Variants in C16orf74 observed in about 807,000 individuals in gnomAD.
The protein encoded by C16orf74 is calcimembrin, also known as uncharacterized protein C16orf74.
C16orf74 carries 10 observed loss-of-function variants against 6.5 expected under a neutral mutation model. That is an observed-to-expected ratio of 1.54 (90% CI 0.95 to 2.61). The LOEUF is 2.61. Ranked by LOEUF, C16orf74 falls within the 30% of genes most tolerant of loss-of-function variation. The probability of loss-of-function intolerance (pLI) is 0.00; values close to 1 mark genes in which losing one functional copy is unlikely to be tolerated. For missense variants in C16orf74, 141 were observed against 105.9 expected (o/e 1.33, Z -1.45); for synonymous variants, 60 against 42.5 (o/e 1.41, Z -1.60).
chr16:85,732,371 A>G (rs2054198286), intron 2 of C16orf74, among the ~76,000 whole-genome samples: 1 of 152,186 alleles, frequency 6.6e-6, no homozygotes, highest in Admixed American at 6.5e-5. Context: ...TGGAGTTAAA[A>G]TGATTCTCTC....
intron 2 of C16orf74, among the ~76,000 whole-genome samples, chr16:85,732,971 G>C (rs1418294563): frequency 6.6e-6 from 1 of 152,244 alleles, no homozygotes; most frequent in Non-Finnish European, 1.5e-5. Flanking sequence ...GAGGGGCCGA[G>C]GGTGGGTGGA....
intron 1 of C16orf74, among the ~76,000 whole-genome samples, chr16:85,747,228 A>C (rs141796159): frequency 4.9e-4 from 74 of 152,300 alleles, no homozygotes; most frequent in Non-Finnish European, 8.4e-4. Flanking sequence ...AAAAACATTT[A>C]TCAAAAAATA....
intron 2 of C16orf74, among the ~76,000 whole-genome samples, chr16:85,712,357 T>G (rs74834367): frequency 1.3e-5 from 2 of 152,226 alleles, no homozygotes. Context: ...AGTTTTGGCA[T>G]AGTTTGTTAT....
intron 2 of C16orf74, among the ~76,000 whole-genome samples, chr16:85,711,571 C>T (rs1483500084): frequency 6.9e-6 from 1 of 144,422 alleles, no homozygotes; most frequent in Non-Finnish European, 1.5e-5. Context: ...TGCAGTGAGC[C>T]AAGATTGTGC....
intron 2 of C16orf74, among the ~76,000 whole-genome samples, chr16:85,718,613 G>C (rs1049033158): frequency 6.6e-6 from 1 of 152,196 alleles, no homozygotes; most frequent in East Asian, 1.9e-4. Flanking sequence ...CCCAGGTCCG[G>C]GTGGGCAGGC....
At chr16:85,711,675 G>C (rs1397214420) in intron 2 of C16orf74, among the ~76,000 whole-genome samples, 1 of 151,206 alleles carries the variant, frequency 6.6e-6, no homozygotes, top group Non-Finnish European at 1.5e-5. Context: ...CCTTCAGGCA[G>C]CATTAAGCTA....
At chr16:85,736,567 G>T (rs111848525) in intron 1 of C16orf74, among the ~76,000 whole-genome samples, 125 of 152,248 alleles carry the variant, frequency 8.2e-4, no homozygotes, top group African/African-American at 2.8e-3. Flanking sequence ...GGGGCCTTGG[G>T]AAGGGAGGGA....
chr16:85,708,133 G>A, intron 3 of C16orf74, 67 bp from the exon 4 acceptor site: 1 of 1,332,376 alleles, frequency 7.5e-7, no homozygotes, highest in Middle Eastern at 1.8e-4. Context: ...CCGTTTCCCT[G>A]GGAACTGCAG....
intron 2 of C16orf74, among the ~76,000 whole-genome samples, chr16:85,713,419 T>C (rs2053989213): frequency 6.6e-6 from 1 of 152,148 alleles, no homozygotes; most frequent in Admixed American, 6.5e-5. Flanking sequence ...ATTACAGGCA[T>C]GCGCCACCAT....
intron 2 of C16orf74, among the ~76,000 whole-genome samples, chr16:85,733,148 A>G (rs1157554849): frequency 6.6e-6 from 1 of 152,232 alleles, no homozygotes; most frequent in Non-Finnish European, 1.5e-5. Context: ...GGTGGAAACA[A>G]CCCAGTGTCC....
At chr16:85,734,823 G>C (rs778125212) in intron 2 of C16orf74, among the ~76,000 whole-genome samples, 2 of 152,174 alleles carry the variant, frequency 1.3e-5, no homozygotes, top group African/African-American at 4.8e-5. Flanking sequence ...CCTCCTGTCT[G>C]GGTGATAACA....
Position 85,710,325 on chromosome 16 carries a change from G to A in C16orf74, c.29-18C>T. ...TTGAAAGCCTGAGAAGCCAGGCGTG[G>A]AGCACACACGCACGTACACACGACA... is the stretch of plus-strand genomic sequence containing the variant. On this transcript the variant is annotated intron_variant, in intron 2 of 3. Coordinates refer to ENST00000284245, the MANE Select transcript of C16orf74 (RefSeq NM_206967.3). 6.7e-7 allele frequency: 1 copy of A among 1,486,582 alleles called. No homozygotes were observed. Among genetic ancestry groups the A allele is most frequent in the Non-Finnish European group, 8.8e-7 (1 of 1,131,850 alleles). The allele number at this position is 1,486,582 out of a possible 1,614,324, so 92.1% of individuals were successfully genotyped here. A position where few individuals can be genotyped will look rare whatever the true frequency, so the allele number is the denominator to read the frequency against.
intron 1 of C16orf74, chr16:85,744,292 A>C (rs796638224): frequency 7.9e-5 from 12 of 152,026 alleles, no homozygotes; most frequent in African/African-American, 2.7e-4. Flanking sequence ...TAATGGGAGA[A>C]AAAAAGATTT....
chr16:85,732,133 C>T (rs1475983154), intron 2 of C16orf74, among the ~76,000 whole-genome samples: 1 of 152,222 alleles, frequency 6.6e-6, no homozygotes, highest in Admixed American at 6.5e-5. Context: ...TGGAGCTAAG[C>T]CCACAAACCA....
At chr16:85,727,218 G>T (rs1448495594) in intron 2 of C16orf74, among the ~76,000 whole-genome samples, 1 of 152,182 alleles carries the variant, frequency 6.6e-6, no homozygotes, top group Non-Finnish European at 1.5e-5. Flanking sequence ...ACACTGTCAC[G>T]GGGCCATATG....
chr16:85,716,465 A>T (rs1598783954), intron 2 of C16orf74, among the ~76,000 whole-genome samples: 1 of 120,924 alleles, frequency 8.3e-6, no homozygotes, highest in Non-Finnish European at 1.7e-5. Flanking sequence ...GAGGAGGGAG[A>T]GGAAGGGAGG....
At chr16:85,744,543 G>A (rs1026583485) in intron 1 of C16orf74, among the ~76,000 whole-genome samples, 1 of 152,144 alleles carries the variant, frequency 6.6e-6, no homozygotes, top group African/African-American at 2.4e-5. Flanking sequence ...AAATCTCCCT[G>A]TCAGCAGCCA....
chr16:85,716,348 G>A, intron 2 of C16orf74, among the ~76,000 whole-genome samples: 1 of 145,270 alleles, frequency 6.9e-6, no homozygotes, highest in African/African-American at 2.6e-5. Flanking sequence ...GAGGGAGGGA[G>A]GAGGAAGAGG....
At chr16:85,744,638 G>C (rs898025176) in intron 1 of C16orf74, among the ~76,000 whole-genome samples, 4 of 151,840 alleles carry the variant, frequency 2.6e-5, no homozygotes, top group African/African-American at 9.7e-5. Context: ...AGACCATCCT[G>C]GCTAACACGG....
Sources: allele counts gnomAD v4.1 joint callset (sites outside exome capture counted in the v4.1 genomes callset), GRCh38; gene constraint gnomAD v4.1.1; transcripts MANE v1.5; gene names NCBI Gene and HGNC (gene_info 2026-07-23, HGNC 2026-07-21).